Variants in MSLN observed in about 807,000 individuals in gnomAD.
The protein encoded by MSLN is mesothelin, also known as CAK1 antigen.
In MSLN, 82 loss-of-function variants were observed where a neutral mutation model predicts 72.6. The observed-to-expected ratio is 1.13, with a 90% CI of 0.94 to 1.36. The LOEUF is 1.36. Among genes scored for constraint, MSLN ranks in the 40% most tolerant of loss-of-function variants. MSLN has a pLI of 0.00. For synonymous variants in MSLN, 456 were observed against 387.3 expected (o/e 1.18, Z -2.08); for missense variants, 1,005 against 847.9 (o/e 1.19, Z -2.30).
At position 765,020 on chromosome 16, in the gene MSLN, C is replaced by A; in HGVS notation, c.494C>A (p.Ala165Glu). 3.1e-6 allele frequency: 5 copies of A among 1,611,624 alleles called. No individual in the cohort carries two copies. The highest frequency in any genetic ancestry group is 4.2e-6 in the Non-Finnish European group (5 of 1,179,454). Residue 165 changes from alanine to glutamate, a missense_variant, in exon 8 of 18, where the codon GCG becomes GAG. Transcript: ENST00000545450. ...GAPERQRLLP[A>E]ALACWGVRGS... Reference sequence around the variant, plus strand: ...CCCGAGCGACAGCGGCTGCTGCCTGCGGCTCTGGCCTGCTGGGTAGGGGCT... The same window carrying A: ...CCCGAGCGACAGCGGCTGCTGCCTGAGGCTCTGGCCTGCTGGGTAGGGGCT...
At chr16:763,728 C>G (rs372503270) in intron 5 of MSLN, 37 bp downstream of exon 5, 1 of 1,564,906 alleles carries the variant, frequency 6.4e-7, no homozygotes, top group African/African-American at 1.4e-5. Flanking sequence ...AAGGGTGAGG[C>G]TCGAGGGGCC....
chr16:766,550 G>T (rs147129729), intron 13 of MSLN, 60 bp downstream of exon 13: 4 of 1,609,602 alleles, frequency 2.5e-6, no homozygotes, highest in East Asian at 2.2e-5. Flanking sequence ...GGGGCAGAGT[G>T]GGGGACAAAG....
Position 768,373 on chromosome 16 carries a change from T to C in MSLN, c.1597-6T>C, listed in dbSNP as rs376043389. 14 of 1,501,780 alleles carry C rather than the reference T, an allele frequency of 9.3e-6. No individual in the cohort carries two copies. In the African/African-American group the frequency reaches 1.4e-4, roughly 15 times the overall value. The allele number at this position is 1,501,780 out of a possible 1,614,324, so 93.0% of individuals were successfully genotyped here. ...CTCCTTGATGGCTGCCCGGGGTCTCTGGCAGCCGTTGACTGTGGCTGAGGT... is the reference window on the plus strand; with the variant it reads ...CTCCTTGATGGCTGCCCGGGGTCTCCGGCAGCCGTTGACTGTGGCTGAGGT... On this transcript the variant is annotated splice_polypyrimidine_tract_variant and splice_region_variant and intron_variant, in intron 16 of 17. Coordinates refer to ENST00000545450, the MANE Select transcript of MSLN (RefSeq NM_005823.6).
At chr16:764,309 G>A (rs1006119560) in intron 6 of MSLN, among the ~76,000 whole-genome samples, 166 bp downstream of exon 6, 12 of 152,204 alleles carry the variant, frequency 7.9e-5, no homozygotes, top group Non-Finnish European at 1.0e-4. Flanking sequence ...TGACCACTGG[G>A]GTGCCTGTCC....
chr16:760,925 AG>A (rs2041528520), intron 1 of MSLN, 104 bp downstream of exon 1: 1 of 152,194 alleles, frequency 6.6e-6, no homozygotes, highest in African/African-American at 2.4e-5. Flanking sequence ...CCCGGGCGTT[AG>A]GGGTAAAGCT....
chr16:768,610 G>C, intron 17 of MSLN, 38 bp from the exon 18 acceptor site: 2 of 1,611,082 alleles, frequency 1.2e-6, no homozygotes, highest in South Asian at 1.1e-5. Flanking sequence ...AGCTGGGGGC[G>C]TGGAGGTGGG....
At chr16:764,512 G>T in intron 6 of MSLN, 135 bp from the exon 7 acceptor site, 1 of 847,100 alleles carries the variant, frequency 1.2e-6, no homozygotes, top group African/African-American at 1.6e-5. Context: ...GCTGCAGGCG[G>T]CCAGAGATCC....
intron 2 of MSLN, among the ~76,000 whole-genome samples, chr16:761,701 C>T (rs1391018183): frequency 2.6e-5 from 4 of 152,298 alleles, no homozygotes; most frequent in Admixed American, 2.6e-4. Flanking sequence ...TCCTCTGGGG[C>T]CTGGGGGAGT....
chr16:766,712 A>G lies in MSLN; in HGVS notation c.1275A>G (p.Leu425=), dbSNP rs2041614923. 6.2e-7 allele frequency: 1 copy of G among 1,612,484 alleles called. No homozygotes were observed. The highest frequency in any genetic ancestry group is 1.7e-5 in the Admixed American group (1 of 59,986). ...IDRFVKGRGQ[L]DKDTLDTLTA... ...GCTTTGTGAAGGGAAGGGGCCAGCT[A>G]GACAAAGACACCCTAGACACCCTGA... is the stretch of plus-strand genomic sequence containing the variant. Residue 425 remains leucine, a synonymous_variant, in exon 14 of 18, where the codon CTA becomes CTG. Coordinates refer to ENST00000545450, the MANE Select transcript of MSLN (RefSeq NM_005823.6).
chr16:764,606 G>T lies in MSLN; in HGVS notation c.301-41G>T, dbSNP rs375039202. 627 of 1,561,022 alleles carry T rather than the reference G, an allele frequency of 4.0e-4. 1 individual carries two copies. In the African/African-American group the frequency reaches 6.0e-3, roughly 15 times the overall value. On this transcript the variant is annotated intron_variant, in intron 6 of 17. Transcript: ENST00000545450. ...GCGACCCTGGCCCACCATGTGAGTG[G>T]CGGCTCGAAACGCTCTGTGCTGGAC...
intron 7 of MSLN, 48 bp from the exon 8 acceptor site, chr16:764,859 G>A: frequency 6.2e-6 from 10 of 1,602,472 alleles, no homozygotes; most frequent in Non-Finnish European, 8.5e-6. Context: ...CTCAGGGTGG[G>A]GACGGGTGTG....
intron 2 of MSLN, 178 bp from the exon 3 acceptor site, chr16:762,494 T>G: frequency 1.7e-6 from 1 of 599,182 alleles, no homozygotes; most frequent in Non-Finnish European, 3.0e-6. Context: ...GAGGAGCCAG[T>G]CCAGGGGACA....
At position 763,834 on chromosome 16, in the gene MSLN, G is replaced by C. The variant is rs529003556; in HGVS notation, c.179+143G>C. 4 of 69,218 alleles carry C rather than the reference G, an allele frequency of 5.8e-5. No homozygotes were observed. In the Admixed American group the frequency reaches 7.6e-4, roughly 13 times the overall value. The allele number at this position is 69,218 out of a possible 1,614,324, so 4.3% of individuals were successfully genotyped here. A position where few individuals can be genotyped will look rare whatever the true frequency, so the allele number is the denominator to read the frequency against. On this transcript the variant is annotated intron_variant, in intron 5 of 17. Transcript: ENST00000545450. Reference sequence around the variant, plus strand: ...CAGATCTGACTGGGCTCAGGACTGCGGGAGGGACTGACACCCCTCAGGTGA... The same window carrying C: ...CAGATCTGACTGGGCTCAGGACTGCCGGAGGGACTGACACCCCTCAGGTGA...
chr16:768,321 C>T (rs2041668234), intron 16 of MSLN, 58 bp from the exon 17 acceptor site: 1 of 1,472,798 alleles, frequency 6.8e-7, no homozygotes, highest in Non-Finnish European at 9.0e-7. Context: ...CCTGGCAGCC[C>T]TCTGGCGGCG....
At chr16:767,100 G>A in intron 15 of MSLN, 88 bp downstream of exon 15, 2 of 1,581,078 alleles carry the variant, frequency 1.3e-6, no homozygotes, top group Non-Finnish European at 8.6e-7. Context: ...TGCCTCGCCG[G>A]GCCGTCTGCT....
At chr16:763,551 G>A (rs896693250) in intron 4 of MSLN, 91 bp from the exon 5 acceptor site, 14 of 1,299,572 alleles carry the variant, frequency 1.1e-5, no homozygotes, top group South Asian at 4.3e-5. Flanking sequence ...AGCTGAACTC[G>A]GGGAGTACCT....
chr16:767,014 T>A lies in MSLN; in HGVS notation c.1501+2T>A. ...TCGTGAAGATCCAGTCCTTCCTGGG[T>A]GAGCCAGGGAGTCCCTGGCCAGGGT... On this transcript the variant is annotated splice_donor_variant, in intron 15 of 17. Transcript: ENST00000545450. LOFTEE classifies it high-confidence loss of function. 1 of 1,602,084 alleles carries A rather than the reference T, an allele frequency of 6.2e-7. No homozygotes were observed. Among genetic ancestry groups the A allele is most frequent in the Non-Finnish European group, 8.5e-7 (1 of 1,177,264 alleles).
Position 763,246 on chromosome 16 carries a change from C to T in MSLN, c.99C>T (p.Pro33=), listed in dbSNP as rs984432334. ...CTGCCCCTTTAGGATGGGTGCAGCC[C>T]TCGAGGACCCTGGCTGGAGAGACAG... ...FLLFSLGWVQ[P]SRTLAGETGQ... is the part of the protein sequence containing the mutation. Residue 33 remains proline, a synonymous_variant, in exon 4 of 18, where the codon CCC becomes CCT. Coordinates refer to ENST00000545450, the MANE Select transcript of MSLN (RefSeq NM_005823.6). 85 of 1,543,376 alleles carry T rather than the reference C, an allele frequency of 5.5e-5. No homozygotes were observed. Among genetic ancestry groups the T allele is most frequent in the Non-Finnish European group, 7.1e-5 (81 of 1,145,470 alleles).
chr16:766,078 C>T lies in MSLN; in HGVS notation c.915C>T (p.Gly305=), dbSNP rs768016014. ...REVEKTACPS[G]KKAREIDESL... is the part of the protein sequence containing the mutation. ...CTGCAGAGACAGCCTGTCCTTCAGGCAAGAAGGCCCGCGAGATAGACGAGA... is the reference window on the plus strand; with the variant it reads ...CTGCAGAGACAGCCTGTCCTTCAGGTAAGAAGGCCCGCGAGATAGACGAGA... Residue 305 remains glycine (G), a synonymous_variant, in exon 12 of 18, where the codon GGC becomes GGT. Coordinates refer to ENST00000545450, the MANE Select transcript of MSLN (RefSeq NM_005823.6). 8.7e-6 allele frequency: 14 copies of T among 1,611,270 alleles called. No individual in the cohort carries two copies. The South Asian group carries it at 1.2e-4, about 14-fold the overall frequency.
Sources: allele counts gnomAD v4.1 joint callset (sites outside exome capture counted in the v4.1 genomes callset), GRCh38; gene constraint gnomAD v4.1.1; transcripts MANE v1.5; gene names NCBI Gene and HGNC (gene_info 2026-07-23, HGNC 2026-07-21).